Variants in ELOVL6 observed in about 807,000 individuals in gnomAD.
The protein encoded by ELOVL6 is ELOVL fatty acid elongase 6.
In ELOVL6, 8 loss-of-function variants were observed where a neutral mutation model predicts 31.7. The ratio of observed to expected loss-of-function variants is 0.25; its 90% CI spans 0.15 to 0.45. The LOEUF (loss-of-function observed/expected upper bound fraction) is 0.45, where lower values mean the gene tolerates loss of function less well. Among genes scored for constraint, ELOVL6 ranks in the 20% least tolerant of loss-of-function variants. ELOVL6 has a pLI of 1.00. For synonymous variants in ELOVL6, 101 were observed against 117.7 expected (o/e 0.86, Z 0.92); for missense variants, 126 against 326.4 (o/e 0.39, Z 4.73).
chr4:110,077,318 G>C (rs551027010), intron 2 of ELOVL6, among the ~76,000 whole-genome samples: 2 of 152,296 alleles, frequency 1.3e-5, no homozygotes, highest in African/African-American at 4.8e-5. Context: ...CCCCCGAGTA[G>C]CCTAACTAGG....
chr4:110,068,406 G>A (rs376459033), intron 2 of ELOVL6, among the ~76,000 whole-genome samples: 4 of 152,188 alleles, frequency 2.6e-5, no homozygotes, highest in African/African-American at 9.7e-5. Context: ...AGCTATCTTC[G>A]TGGACAATAT....
intron 2 of ELOVL6, chr4:110,092,984 A>C (rs1756467984): frequency 9.7e-6 from 3 of 309,746 alleles, no homozygotes; most frequent in Non-Finnish European, 1.9e-5. Context: ...TTACATCCTA[A>C]ACTAACACGC....
At chr4:110,097,220 G>T (rs946647995) in intron 2 of ELOVL6, among the ~76,000 whole-genome samples, 1 of 150,030 alleles carries the variant, frequency 6.7e-6, no homozygotes, top group African/African-American at 2.5e-5. Context: ...GCAGAGAATT[G>T]CTTGAATCAG....
At chr4:110,084,263 T>G in intron 2 of ELOVL6, among the ~76,000 whole-genome samples, 2 of 136,158 alleles carry the variant, frequency 1.5e-5, no homozygotes, top group African/African-American at 5.5e-5. Flanking sequence ...ACATATAGCT[T>G]ATATGTGATA....
At chr4:110,160,671 G>A (rs1352982323) in intron 1 of ELOVL6, among the ~76,000 whole-genome samples, 1 of 152,192 alleles carries the variant, frequency 6.6e-6, no homozygotes, top group African/African-American at 2.4e-5. Flanking sequence ...TTGCCCATAT[G>A]TTGTTGCAAT....
rs532339790 is a variant in ELOVL6 at position 110,046,345 on chromosome 4, T to C, written c.*4993A>G. 4.6e-5 allele frequency: 7 copies of C among 152,338 alleles called. No homozygotes were observed. The highest frequency in any genetic ancestry group is 1.7e-4 in the African/African-American group (7 of 41,578). The allele number at this position is 152,338 out of a possible 1,614,324, so 9.4% of individuals were successfully genotyped here. The stretch of plus-strand genomic sequence containing the variant: ...CAGAAGAGGTTACTACAATGCAGTG[T>C]TGGTTTGGACGTCTAGTGAAATATA... On this transcript the variant is annotated 3_prime_UTR_variant, in exon 4 of 4. Transcript: ENST00000302274.
intron 1 of ELOVL6, among the ~76,000 whole-genome samples, chr4:110,117,363 C>A (rs1033963339): frequency 6.6e-6 from 1 of 152,116 alleles, no homozygotes; most frequent in Non-Finnish European, 1.5e-5. Context: ...GGGGTGATAC[C>A]ACTTATGCCT....
intron 2 of ELOVL6, among the ~76,000 whole-genome samples, chr4:110,099,437 A>G (rs1034379109): frequency 1.3e-5 from 2 of 152,348 alleles, no homozygotes; most frequent in Non-Finnish European, 2.9e-5. Flanking sequence ...GTTCAACAGG[A>G]AAAACTGGTG....
chr4:110,086,172 C>T (rs569347462), intron 2 of ELOVL6, among the ~76,000 whole-genome samples: 27 of 152,252 alleles, frequency 1.8e-4, no homozygotes, highest in Admixed American at 1.5e-3. Context: ...ATTTAGTCCT[C>T]TTTAACTTTT....
At chr4:110,105,434 A>C in intron 2 of ELOVL6, 63 bp downstream of exon 2, 1 of 1,467,544 alleles carries the variant, frequency 6.8e-7, no homozygotes, top group Non-Finnish European at 9.3e-7. Flanking sequence ...ATGCTCAATC[A>C]TTGCATTCTT....
chr4:110,174,108 T>G (rs984290763), intron 1 of ELOVL6, among the ~76,000 whole-genome samples: 2 of 151,898 alleles, frequency 1.3e-5, no homozygotes, highest in African/African-American at 4.8e-5. Flanking sequence ...ATTTAAAAAC[T>G]TTTTTTAAAA....
intron 1 of ELOVL6, among the ~76,000 whole-genome samples, chr4:110,113,227 CA>C (rs754003099): frequency 0.028 from 3,048 of 107,478 alleles, 107 homozygotes; most frequent in African/African-American, 0.1. Context: ...GACTCCGTCT[CA>C]AAAAAAAAAA....
chr4:110,184,267 C>T (rs888315765), intron 1 of ELOVL6, among the ~76,000 whole-genome samples: 1 of 152,164 alleles, frequency 6.6e-6, no homozygotes, highest in Admixed American at 6.5e-5. Context: ...TGAACAGCCT[C>T]GTATGTCCAT....
chr4:110,153,296 T>C (rs947289141), intron 1 of ELOVL6, among the ~76,000 whole-genome samples: 1 of 152,148 alleles, frequency 6.6e-6, no homozygotes, highest in Non-Finnish European at 1.5e-5. Flanking sequence ...TTCCATAACT[T>C]ATGAGACCTT....
intron 2 of ELOVL6, among the ~76,000 whole-genome samples, chr4:110,088,578 C>A (rs1756335268): frequency 6.6e-6 from 1 of 152,182 alleles, no homozygotes; most frequent in African/African-American, 2.4e-5. Context: ...ATCTTGGCAA[C>A]CTTAACATAT....
At chr4:110,158,657 A>ATATATATATATATATATT in intron 1 of ELOVL6, among the ~76,000 whole-genome samples, 2 of 74,162 alleles carry the variant, frequency 2.7e-5, no homozygotes, top group African/African-American at 8.3e-5. Flanking sequence ...ATATATATAT[A>ATATATATATATATATATT]TTTTTTTTTT....
intron 2 of ELOVL6, among the ~76,000 whole-genome samples, chr4:110,064,133 T>C (rs1755229174): frequency 6.6e-6 from 1 of 151,876 alleles, no homozygotes; most frequent in Non-Finnish European, 1.5e-5. Context: ...ATACATATCA[T>C]TTTTGTCAAA....
At chr4:110,156,223 C>G (rs1273366269) in intron 1 of ELOVL6, among the ~76,000 whole-genome samples, 1 of 152,088 alleles carries the variant, frequency 6.6e-6, no homozygotes, top group East Asian at 1.9e-4. Context: ...AAAATGTTTT[C>G]TGGAGTGAGA....
chr4:110,143,554 G>A (rs1174139881), intron 1 of ELOVL6, among the ~76,000 whole-genome samples: 1 of 152,076 alleles, frequency 6.6e-6, no homozygotes, highest in African/African-American at 2.4e-5. Flanking sequence ...AAAGGGTGAT[G>A]ATAACCAGCA....
Sources: gnomAD v4.1 joint callset for allele counts (sites outside exome capture counted in the v4.1 genomes callset) on GRCh38, gnomAD v4.1.1 for gene constraint, MANE v1.5 for transcripts, NCBI Gene and HGNC (gene_info 2026-07-23, HGNC 2026-07-21) for gene names.